Variants in ASTN2 observed in about 807,000 individuals in gnomAD.
ASTN2 encodes the protein astrotactin-2.
In ASTN2, 54 loss-of-function variants were observed where a neutral mutation model predicts 139.8. The ratio of observed to expected loss-of-function variants is 0.39; its 90% confidence interval spans 0.31 to 0.48. The LOEUF (loss-of-function observed/expected upper bound fraction) is 0.48, where lower values mean the gene tolerates loss of function less well. Ranked by LOEUF, ASTN2 falls within the 20% of genes least tolerant of loss-of-function variation. The pLI is 0.95. For synonymous variants in ASTN2, 756 were observed against 719.5 expected, an observed-to-expected ratio of 1.05 and a Z score of -0.81; for missense variants, 1,565 against 1,725.1, an observed-to-expected ratio of 0.91 and a Z score of 1.64.
intron 10 of ASTN2, among the ~76,000 whole-genome samples, chr9:116,910,494 T>C (rs1834281044): frequency 6.6e-6 from 1 of 152,156 alleles, no homozygotes. Flanking sequence ...TTTAGGTTAT[T>C]TACTTGACAC....
At chr9:117,313,176 C>T (rs1490713535) in intron 1 of ASTN2, among the ~76,000 whole-genome samples, 1 of 152,234 alleles carries the variant, frequency 6.6e-6, no homozygotes, top group Non-Finnish European at 1.5e-5. Context: ...ACTACCTGCA[C>T]TAGAGTCCCC....
chr9:117,072,737 T>A (rs1471081050), intron 5 of ASTN2, among the ~76,000 whole-genome samples: 2 of 152,196 alleles, frequency 1.3e-5, no homozygotes, highest in Admixed American at 6.5e-5. Flanking sequence ...TTTATTTATT[T>A]TTTTAGCAGT....
rs112764473 is a variant in ASTN2, at chr9:117,308,213, A to AAATCAATCAATC, written c.443-16712_443-16701dup. 9.4e-4 allele frequency among the ~76,000 whole-genome samples: 142 copies of AAATCAATCAATC among 150,360 alleles called. 1 individual carries two copies. Among genetic ancestry groups the AAATCAATCAATC allele is most frequent in the Admixed American group, 1.1e-3 (17 of 15,048 alleles). On this transcript the variant is annotated intron_variant, in intron 1 of 22. Coordinates refer to ENST00000313400, the MANE Select transcript of ASTN2 (RefSeq NM_001365068.1). Reference sequence around the variant, plus strand: ...AGCTGATGTCCTGGATGCTGGGGCAAAATCAATCAATCAATCAATCAATCA... The same window carrying AAATCAATCAATC: ...AGCTGATGTCCTGGATGCTGGGGCAAAATCAATCAATCAATCAATCAATCAATCAATCAATCA...
At chr9:117,249,901 C>T (rs1168516956) in intron 2 of ASTN2, among the ~76,000 whole-genome samples, 1 of 152,074 alleles carries the variant, frequency 6.6e-6, no homozygotes, top group Non-Finnish European at 1.5e-5. Context: ...GTGGCATTCT[C>T]CCCAGAAAAT....
At chr9:116,761,129 C>T (rs560129512) in intron 13 of ASTN2, among the ~76,000 whole-genome samples, 1 of 152,284 alleles carries the variant, frequency 6.6e-6, no homozygotes, top group South Asian at 2.1e-4. Flanking sequence ...GTCACTTTGT[C>T]CAGCAACCTT....
intron 4 of ASTN2, among the ~76,000 whole-genome samples, chr9:117,106,397 G>T (rs941274308): frequency 6.6e-6 from 1 of 151,848 alleles, no homozygotes; most frequent in African/African-American, 2.4e-5. Flanking sequence ...GGATTTTGCC[G>T]TGTTGGCCAG....
At chr9:117,121,926 AG>A (rs1425581479) in intron 4 of ASTN2, among the ~76,000 whole-genome samples, 4 of 152,184 alleles carry the variant, frequency 2.6e-5, no homozygotes, top group African/African-American at 7.2e-5. Context: ...GAGAACAGCA[AG>A]GGGGAAATCC....
intron 19 of ASTN2, among the ~76,000 whole-genome samples, chr9:116,575,857 T>C (rs774651425): frequency 3.7e-4 from 56 of 152,136 alleles, no homozygotes; most frequent in Non-Finnish European, 6.8e-4. Context: ...TGAGAATACA[T>C]GCTGGGGAGT....
At chr9:116,811,253 A>G (rs1437150092) in intron 12 of ASTN2, among the ~76,000 whole-genome samples, 1 of 151,342 alleles carries the variant, frequency 6.6e-6, no homozygotes, top group African/African-American at 2.4e-5. Context: ...TTTATTTTCA[A>G]TCTTTCTTGC....
rs745647061 is a variant in ASTN2, at chr9:117,008,139, C to T, written c.1544G>A (p.Gly515Glu). 1 of 1,610,414 alleles carries T rather than the reference C, an allele frequency of 6.2e-7. No individual in the cohort carries two copies. Among genetic ancestry groups the T allele is most frequent in the Admixed American group, 1.7e-5 (1 of 59,400 alleles). Residue 515 changes from glycine to glutamate, a missense_variant, in exon 7 of 23, where the codon GGA becomes GAA. Physicochemically the swap from Gly to Glu is moderately conservative, Grantham distance 98. Around this residue, in one of 4 missense-constraint regions of ASTN2, gnomAD observed 503 missense variants for 591.7 expected, o/e 0.85. Coordinates refer to ENST00000313400, the MANE Select transcript of ASTN2 (RefSeq NM_001365068.1). ...CTCACAGGCATCTGTCGTCCTTTGT[C>T]CACAGAGGTCCCTCACCCATGGGGA... ...ATSPWVRDLC[G>E]QRTTDACEQL...
chr9:116,650,986 G>A (rs1365153890), intron 17 of ASTN2, among the ~76,000 whole-genome samples: 1 of 151,400 alleles, frequency 6.6e-6, no homozygotes, highest in Non-Finnish European at 1.5e-5. Context: ...CACGATCTCG[G>A]CTCACTGCAA....
At chr9:116,440,159 T>C (rs1847798760) in intron 22 of ASTN2, among the ~76,000 whole-genome samples, 1 of 152,180 alleles carries the variant, frequency 6.6e-6, no homozygotes, top group African/African-American at 2.4e-5. Flanking sequence ...TAAATCTATA[T>C]AGTCATGTTC....
At position 116,698,075 on chromosome 9, in the gene ASTN2, C is replaced by T; in HGVS notation, c.2806+27696G>A. On this transcript the variant is annotated intron_variant, in intron 16 of 22. Coordinates refer to ENST00000313400, the MANE Select transcript of ASTN2 (RefSeq NM_001365068.1). The surrounding 1 kb of genome is among the most constrained non-coding windows in gnomAD (Gnocchi z 4.4). ...GTGGGCGGCGTCTGCCCCGGCAATT[C>T]TGCCGGAGCTGTGGTTTGGTGTTAT... 1 of 1,614,122 alleles carries T rather than the reference C, an allele frequency of 6.2e-7. No homozygotes were observed. The highest frequency in any genetic ancestry group is 1.1e-5 in the South Asian group (1 of 91,082).
intron 19 of ASTN2, among the ~76,000 whole-genome samples, chr9:116,522,526 G>T (rs1457379317): frequency 6.6e-6 from 1 of 152,042 alleles, no homozygotes; most frequent in Non-Finnish European, 1.5e-5. Context: ...AAGGGTGAGG[G>T]GTGGCGAGGG....
chr9:116,833,078 T>G (rs1488016899), intron 11 of ASTN2, among the ~76,000 whole-genome samples: 2 of 152,118 alleles, frequency 1.3e-5, no homozygotes, highest in Non-Finnish European at 2.9e-5. Flanking sequence ...CAAAATAAAT[T>G]TCCTTAATAG....
chr9:117,349,960 C>CA (rs558533487), intron 1 of ASTN2, among the ~76,000 whole-genome samples: 3 of 150,926 alleles, frequency 2.0e-5, no homozygotes, highest in East Asian at 3.9e-4. Flanking sequence ...AACACTGGGA[C>CA]AAAAAAAAGG....
chr9:116,548,909 T>C (rs996077408), intron 19 of ASTN2, among the ~76,000 whole-genome samples: 1 of 152,144 alleles, frequency 6.6e-6, no homozygotes, highest in Non-Finnish European at 1.5e-5. Flanking sequence ...AGGGTCTAGA[T>C]CCATGACCCT....
intron 19 of ASTN2, among the ~76,000 whole-genome samples, chr9:116,566,013 T>C (rs1001500856): frequency 6.6e-6 from 1 of 152,222 alleles, no homozygotes; most frequent in East Asian, 1.9e-4. Context: ...GTCTCTTACA[T>C]AGCCCTCCAG....
intron 1 of ASTN2, among the ~76,000 whole-genome samples, chr9:117,321,971 C>T (rs1828337479): frequency 6.6e-6 from 1 of 152,184 alleles, no homozygotes; most frequent in South Asian, 2.1e-4. Context: ...TGAAAATTTA[C>T]TAATCCAATT....
Sources: gnomAD v4.1 joint callset for allele counts (sites outside exome capture counted in the v4.1 genomes callset) on GRCh38, gnomAD v4.1.1 for gene constraint, gnomAD v4.1.1 regional missense constraint, Gnocchi (gnomAD v3.1) non-coding constraint, MANE v1.5 for transcripts, NCBI Gene and HGNC (gene_info 2026-07-23, HGNC 2026-07-21) for gene names.